The following GRIN2B variants were observed in gnomAD, a reference collection of about 807,000 sequenced individuals.
The protein encoded by GRIN2B is glutamate receptor ionotropic, NMDA 2B.
A neutral mutation model predicts 114.5 loss-of-function variants in GRIN2B; 5 were observed. The ratio of observed to expected loss-of-function variants is 0.04; its 90% CI spans 0.02 to 0.09. The LOEUF is 0.09. GRIN2B is among the 10% of genes least tolerant of loss of function. GRIN2B has a pLI of 1.00. For synonymous variants in GRIN2B, 787 were observed against 745.1 expected, an observed-to-expected ratio of 1.06 and a Z score of -0.92; for missense variants, 1,108 against 1,943.5, an observed-to-expected ratio of 0.57 and a Z score of 8.08.
intron 4 of GRIN2B, among the ~76,000 whole-genome samples, chr12:13,682,677 C>T (rs1038446279): frequency 2.0e-5 from 3 of 152,090 alleles, no homozygotes; most frequent in Non-Finnish European, 4.4e-5. Context: ...GTATCTTGAA[C>T]AGTGATTGAT....
At chr12:13,785,680 T>G (rs1350718587) in intron 3 of GRIN2B, among the ~76,000 whole-genome samples, 1 of 152,242 alleles carries the variant, frequency 6.6e-6, no homozygotes, top group African/African-American at 2.4e-5. Context: ...ATATTAAGTG[T>G]GTACTATGAG....
At chr12:13,818,632 C>T (rs963275488) in intron 3 of GRIN2B, among the ~76,000 whole-genome samples, 2 of 152,258 alleles carry the variant, frequency 1.3e-5, no homozygotes, top group Non-Finnish European at 1.5e-5. Context: ...CTTGAGAGAA[C>T]CAACTAAAAG....
chr12:13,793,264 T>C (rs1185212413), intron 3 of GRIN2B, among the ~76,000 whole-genome samples: 1 of 151,912 alleles, frequency 6.6e-6, no homozygotes, highest in East Asian at 1.9e-4. Context: ...CTACTAAAGA[T>C]CCAAAAATTA....
chr12:13,804,439 T>G (rs1487803835), intron 3 of GRIN2B, among the ~76,000 whole-genome samples: 1 of 152,148 alleles, frequency 6.6e-6, no homozygotes, highest in South Asian at 2.1e-4. Flanking sequence ...CTATTTTTAG[T>G]CCTGTCTCTT....
rs369657633 is a variant in GRIN2B, at chr12:13,698,844, G to C, written c.1011-22985C>G. Among the ~76,000 whole-genome samples, 76 of 152,152 alleles carry C rather than the reference G, an allele frequency of 5.0e-4. 1 individual carries two copies. Among genetic ancestry groups the C allele is most frequent in the African/African-American group, 1.8e-3 (73 of 41,532 alleles). On this transcript the variant is annotated intron_variant, in intron 4 of 13. Transcript: ENST00000609686. ...ACTACAGGCGCGCACCACCATGCCAGGCTAACTTTTCTATTTTTAGTAGAG... is the reference window on the plus strand; with the variant it reads ...ACTACAGGCGCGCACCACCATGCCACGCTAACTTTTCTATTTTTAGTAGAG...
chr12:13,870,346 G>A (rs1015432863), intron 2 of GRIN2B, among the ~76,000 whole-genome samples: 2 of 152,138 alleles, frequency 1.3e-5, no homozygotes, highest in Non-Finnish European at 2.9e-5. Flanking sequence ...CAAAGCAGCA[G>A]GATTAGAGAG....
chr12:13,737,248 A>G (rs1863201930), intron 4 of GRIN2B, among the ~76,000 whole-genome samples: 1 of 150,626 alleles, frequency 6.6e-6, no homozygotes, highest in East Asian at 2.0e-4. Context: ...GTCTCTCTCT[A>G]TTGCCCAGGC....
chr12:13,973,990 T>A (rs1015628786), intron 2 of GRIN2B, among the ~76,000 whole-genome samples: 6 of 152,146 alleles, frequency 3.9e-5, no homozygotes, highest in Non-Finnish European at 8.8e-5. Context: ...CTCTAAAATA[T>A]CAAGCCACTC....
chr12:13,886,891 T>C (rs1307785731), intron 2 of GRIN2B, among the ~76,000 whole-genome samples: 1 of 152,218 alleles, frequency 6.6e-6, no homozygotes, highest in Non-Finnish European at 1.5e-5. Flanking sequence ...AAGTGCTTTA[T>C]ATATAGTAAT....
At chr12:13,975,536 A>T (rs1327132271) in intron 2 of GRIN2B, among the ~76,000 whole-genome samples, 2 of 152,236 alleles carry the variant, frequency 1.3e-5, no homozygotes, top group Admixed American at 1.3e-4. Flanking sequence ...TTTCTAAAGT[A>T]TCACATAGCT....
intron 3 of GRIN2B, among the ~76,000 whole-genome samples, chr12:13,819,964 A>G (rs1864902078): frequency 6.6e-6 from 1 of 152,188 alleles, no homozygotes; most frequent in Non-Finnish European, 1.5e-5. Flanking sequence ...TTTTCCTCAT[A>G]GGATTCTCCC....
rs750801474 is a variant in GRIN2B at position 13,564,481 on chromosome 12, C to T, written c.2757G>A (p.Gln919=). 9 of 1,614,236 alleles carry T rather than the reference C, an allele frequency of 5.6e-6. No individual in the cohort carries two copies. In the South Asian group the frequency reaches 9.9e-5, roughly 18 times the overall value. The change falls in exon 14 of 14, where the codon CAG becomes CAA. Residue 919 remains glutamine (Q), a synonymous_variant. Coordinates refer to ENST00000609686, the MANE Select transcript of GRIN2B (RefSeq NM_000834.5). This position sits in a 1 kb window ranked among gnomAD's most constrained non-coding sequence, Gnocchi z 4.8. The part of the protein sequence containing the change: ...ANLSGVNGSP[Q]SALDFIRRES... ...CCCGTCGGATGAAGTCCAGGGCGCT[C>T]TGCGGTGAGCCATTCACACCAGACA...
chr12:13,712,560 A>T (rs769177730), intron 4 of GRIN2B, among the ~76,000 whole-genome samples: 30 of 151,752 alleles, frequency 2.0e-4, no homozygotes, highest in Non-Finnish European at 2.5e-4. Context: ...AAAATGTTCC[A>T]TATACTGATA....
At chr12:13,566,720 T>A (rs1948645636) in intron 13 of GRIN2B, among the ~76,000 whole-genome samples, 1 of 152,232 alleles carries the variant, frequency 6.6e-6, no homozygotes, top group South Asian at 2.1e-4. Flanking sequence ...AACCAACTAA[T>A]GGTGATGAAA....
chr12:13,938,849 C>G (rs1867178761), intron 2 of GRIN2B, among the ~76,000 whole-genome samples: 1 of 152,136 alleles, frequency 6.6e-6, no homozygotes, highest in South Asian at 2.1e-4. Context: ...AGTCATGGAC[C>G]TGTACACTTA....
At chr12:13,633,008 G>A (rs1407788281) in intron 5 of GRIN2B, among the ~76,000 whole-genome samples, 2 of 152,206 alleles carry the variant, frequency 1.3e-5, no homozygotes, top group East Asian at 3.8e-4. Flanking sequence ...GAGAGACTGT[G>A]TGGGTCCCTG....
intron 2 of GRIN2B, among the ~76,000 whole-genome samples, chr12:13,946,030 C>A (rs1007997712): frequency 2.0e-5 from 3 of 152,222 alleles, no homozygotes; most frequent in African/African-American, 4.8e-5. Flanking sequence ...TGTTAGACAA[C>A]CCCATGGAGA....
intron 5 of GRIN2B, among the ~76,000 whole-genome samples, chr12:13,664,236 C>T (rs532692624): frequency 3.9e-5 from 6 of 151,972 alleles, no homozygotes; most frequent in African/African-American, 1.4e-4. Context: ...AATTATTGGG[C>T]ATGGAGGCTG....
chr12:13,660,311 C>A (rs183693539), intron 5 of GRIN2B, among the ~76,000 whole-genome samples: 1 of 152,286 alleles, frequency 6.6e-6, no homozygotes, highest in African/African-American at 2.4e-5. Context: ...TTCTTCCCTG[C>A]ATCATACCTG....
Sources: gnomAD v4.1 joint callset for allele counts (sites outside exome capture counted in the v4.1 genomes callset) on GRCh38, gnomAD v4.1.1 for gene constraint, Gnocchi (gnomAD v3.1) non-coding constraint, MANE v1.5 for transcripts, NCBI Gene and HGNC (gene_info 2026-07-23, HGNC 2026-07-21) for gene names.